Variants in PLXNB3 observed in about 807,000 individuals in gnomAD.
PLXNB3 encodes the protein plexin-B3.
A neutral mutation model predicts 125.7 loss-of-function variants in PLXNB3; 80 were observed. That is an observed-to-expected ratio of 0.64 (90% CI 0.53 to 0.77). The LOEUF is 0.77. PLXNB3 is among the 30% of genes least tolerant of loss of function. The pLI is 0.00. For synonymous variants in PLXNB3, 954 were observed against 783.3 expected, an observed-to-expected ratio of 1.22 and a Z score of -3.64; for missense variants, 1,836 against 1,729.3, an observed-to-expected ratio of 1.06 and a Z score of -1.09.
In PLXNB3 at chrX:153,768,376, C is replaced by A; in HGVS notation, c.1214C>A (p.Ala405Glu). The change falls in exon 4 of 36, where the codon GCA (alanine) becomes GAA (glutamate). Residue 405 changes from alanine (A) to glutamate (E), a missense_variant. By Grantham distance (107) the Ala-to-Glu change is moderately radical. Transcript: ENST00000361971. ...GTCAGCGCCGTGGCAGCTCTCCAGG[C>A]AGATGGGCACATGATAGCCTTCCTG... ...QPVSAVAALQ[A>E]DGHMIAFLGD... 8.3e-7 allele frequency: 1 copy of A among 1,209,844 alleles called. No homozygotes were observed. The highest frequency in any genetic ancestry group is 2.3e-4 in the Middle Eastern group (1 of 4,312).
In PLXNB3 at chrX:153,775,103, G is replaced by A. The variant is rs782656559; in HGVS notation, c.4155G>A (p.Thr1385=). 19 of 1,194,730 alleles carry A rather than the reference G, an allele frequency of 1.6e-5. No individual in the cohort carries two copies. Among genetic ancestry groups the A allele is most frequent in the Middle Eastern group, 4.7e-4 (2 of 4,274 alleles). The change falls in exon 24 of 36, where the codon ACG becomes ACA. Residue 1385 remains threonine, a splice_region_variant and synonymous_variant. Coordinates refer to ENST00000361971, the MANE Select transcript of PLXNB3 (RefSeq NM_005393.3). The stretch of plus-strand genomic sequence containing the variant: ...TCAACAGCAAGCTCTTCCTCCTCAC[G>A]GTGAGGGCCGTGTGGCGGGAGTGCC... ...NLLNSKLFLL[T]LIHTLEEQPS...
chrX:153,768,631 G>A (rs1557060311), intron 4 of PLXNB3, among the ~76,000 whole-genome samples: 1 of 112,674 alleles, frequency 8.9e-6, no homozygotes, highest in African/African-American at 3.2e-5. Flanking sequence ...TGGCTGGGGT[G>A]GCTGGGTGAG....
At chrX:153,774,140 C>G in intron 20 of PLXNB3, 42 bp downstream of exon 20, 2 of 1,199,977 alleles carry the variant, frequency 1.7e-6, no homozygotes, top group Non-Finnish European at 2.2e-6. Context: ...GGTGCTCAGG[C>G]CGCCTCTGTG....
In PLXNB3 at chrX:153,767,400, C is replaced by T; in HGVS notation, c.573C>T (p.Gly191=). 5 of 1,184,725 alleles carry T rather than the reference C, an allele frequency of 4.2e-6. No homozygotes were observed. The highest frequency in any genetic ancestry group is 5.7e-6 in the Non-Finnish European group (5 of 881,267). Reference sequence around the variant, plus strand: ...GGGACCTCCTGCTTGTGGCCAGAGGCCTGGCGGGCAAGCTGTCGGCAGGGG... The same window carrying T: ...GGGACCTCCTGCTTGTGGCCAGAGGTCTGGCGGGCAAGCTGTCGGCAGGGG... ...PGRDLLLVAR[G]LAGKLSAGVP... Residue 191 remains glycine, a synonymous_variant, in exon 3 of 36, where the codon GGC becomes GGT. Coordinates refer to ENST00000361971, the MANE Select transcript of PLXNB3 (RefSeq NM_005393.3).
chrX:153,772,279 A>G lies in PLXNB3; in HGVS notation c.2767A>G (p.Thr923Ala). Residue 923 changes from threonine (T) to alanine (A), a missense_variant, in exon 16 of 36, where the codon ACC (threonine) becomes GCC (alanine). Physicochemically the swap from Thr to Ala is moderately conservative, Grantham distance 58. Coordinates refer to ENST00000361971, the MANE Select transcript of PLXNB3 (RefSeq NM_005393.3). ...ACCAGGCATCTCAAGCCAGCACTTCACCTACCAGGTCAGTGGCCTCCCAGG... is the reference window on the plus strand; with the variant it reads ...ACCAGGCATCTCAAGCCAGCACTTCGCCTACCAGGTCAGTGGCCTCCCAGG... ...QPPGISSQHF[T>A]YQDPVLLSLS... 1 of 1,196,330 alleles carries G rather than the reference A, an allele frequency of 8.4e-7. No individual in the cohort carries two copies. Among genetic ancestry groups the G allele is most frequent in the Middle Eastern group, 2.3e-4 (1 of 4,298 alleles).
Position 153,770,226 on chromosome X carries a change from G to A in PLXNB3, c.1764G>A (p.Val588=), listed in dbSNP as rs1027234140. The change falls in exon 8 of 36, where the codon GTG becomes GTA. Residue 588 remains valine, a synonymous_variant. Transcript: ENST00000361971. ...VACVTPPQDQ[V]PLNPPGTDHV... is the part of the protein sequence containing the mutation. The stretch of plus-strand genomic sequence containing the variant: ...GTGTCACCCCTCCCCAAGACCAGGT[G>A]CCACTTAACCCTCCAGGCACAGGTG... 1.7e-6 allele frequency: 2 copies of A among 1,211,155 alleles called. No individual in the cohort carries two copies. Among genetic ancestry groups the A allele is most frequent in the Middle Eastern group, 2.3e-4 (1 of 4,355 alleles).
At chrX:153,774,369 G>A (rs1557063206) in intron 21 of PLXNB3, 25 bp downstream of exon 21, 2 of 1,154,929 alleles carry the variant, frequency 1.7e-6, no homozygotes, top group Non-Finnish European at 2.3e-6. Flanking sequence ...TGGGTGGGCA[G>A]GTGGACCGGG....
rs374211973 is a variant in PLXNB3, at chrX:153,775,211, C to T, written c.4156-14C>T. 3.0e-4 allele frequency: 344 copies of T among 1,162,316 alleles called. No homozygotes were observed. Among genetic ancestry groups the T allele is most frequent in the Non-Finnish European group, 3.6e-4 (316 of 869,764 alleles). On this transcript the variant is annotated splice_polypyrimidine_tract_variant and intron_variant, in intron 24 of 35. Coordinates refer to ENST00000361971, the MANE Select transcript of PLXNB3 (RefSeq NM_005393.3). ...AGTGGGGCTTCCCAGGATGAGCCTC[C>T]GACCCCTGCTCAGCTCATCCACACC...
At chrX:153,775,795 C>T in intron 26 of PLXNB3, 92 bp from the exon 27 acceptor site, 3 of 1,102,110 alleles carry the variant, frequency 2.7e-6, no homozygotes, top group Non-Finnish European at 3.7e-6. Context: ...GGACTTTGAA[C>T]CCTCTCCGGG....
At chrX:153,773,479 C>T in intron 18 of PLXNB3, 39 bp from the exon 19 acceptor site, 3 of 1,181,054 alleles carry the variant, frequency 2.5e-6, no homozygotes, top group Non-Finnish European at 3.4e-6. Context: ...GGCTATGTTG[C>T]CCACCGCCCG....
In PLXNB3 at chrX:153,770,334, C is replaced by G. The variant is rs2091913638; in HGVS notation, c.1787-4C>G. The stretch of plus-strand genomic sequence containing the variant: ...CCTGTCCTGCCCCCACTGTCCCCTC[C>G]CAGACCACGTCACTGTGCCCCTGGC... On this transcript the variant is annotated splice_region_variant and splice_polypyrimidine_tract_variant and intron_variant, in intron 8 of 35. Transcript: ENST00000361971. The G allele has an allele frequency of 1.7e-6, 2 of 1,207,451 alleles. No individual in the cohort carries two copies. The highest frequency in any genetic ancestry group is 2.3e-4 in the Middle Eastern group (1 of 4,345).
At chrX:153,769,292 G>A (rs782642582) in intron 6 of PLXNB3, 30 bp downstream of exon 6, 1 of 1,079,361 alleles carries the variant, frequency 9.3e-7, no homozygotes, top group Non-Finnish European at 1.3e-6. Context: ...CTAGGCTAGG[G>A]CCAACGGGTG....
chrX:153,766,230 C>T, intron 2 of PLXNB3: 1 of 1,164,989 alleles, frequency 8.6e-7, no homozygotes. Context: ...ACCCCTGCCT[C>T]TTCGCTGACT....
chrX:153,769,634 G>A (rs185653148), intron 6 of PLXNB3, among the ~76,000 whole-genome samples, 173 bp from the exon 7 acceptor site: 296 of 113,127 alleles, frequency 2.6e-3, no homozygotes, highest in Non-Finnish European at 5.0e-3. Flanking sequence ...CCACGCCTTG[G>A]CCATGAGGCC....
intron 6 of PLXNB3, 24 bp from the exon 7 acceptor site, chrX:153,769,783 A>G: frequency 8.3e-7 from 1 of 1,197,644 alleles, no homozygotes; most frequent in Non-Finnish European, 1.1e-6. Flanking sequence ...CCCCACGGTG[A>G]CCTGATGGAC....
chrX:153,768,097 C>A, intron 3 of PLXNB3, 152 bp from the exon 4 acceptor site: 2 of 784,458 alleles, frequency 2.5e-6, no homozygotes, highest in Non-Finnish European at 3.6e-6. Context: ...ATGCTATGAG[C>A]TTGCCAGGTG....
chrX:153,769,744 TGTTG>T, intron 6 of PLXNB3, 59 bp from the exon 7 acceptor site: 1 of 1,122,777 alleles, frequency 8.9e-7, no homozygotes, highest in East Asian at 3.2e-5. Flanking sequence ...CCCAGGCCCC[TGTTG>T]CCGGTCATCC....
chrX:153,777,010 C>G (rs1557064637), intron 29 of PLXNB3, 30 bp downstream of exon 29: 1 of 1,071,074 alleles, frequency 9.3e-7, no homozygotes, highest in South Asian at 2.0e-5. Flanking sequence ...CCTGGGGCCA[C>G]TGGAGTCCAG....
At chrX:153,777,018 C>T in intron 29 of PLXNB3, 38 bp downstream of exon 29, 2 of 1,035,428 alleles carry the variant, frequency 1.9e-6, no homozygotes, top group Non-Finnish European at 2.6e-6. Flanking sequence ...CACTGGAGTC[C>T]AGGCTGGGCA....
Sources: allele counts gnomAD v4.1 joint callset (sites outside exome capture counted in the v4.1 genomes callset), GRCh38; gene constraint gnomAD v4.1.1; transcripts MANE v1.5; gene names NCBI Gene and HGNC (gene_info 2026-07-23, HGNC 2026-07-21).